The following DACH2 variants were observed in gnomAD, a reference collection of about 807,000 sequenced individuals.
DACH2 encodes the protein dachshund homolog 2.
In DACH2, 17 loss-of-function variants were observed where a neutral mutation model predicts 35.8. That is an observed-to-expected ratio of 0.48 (90% CI 0.33 to 0.71). The LOEUF is 0.71. Ranked by LOEUF, DACH2 falls within the 30% of genes least tolerant of loss-of-function variation. The probability of loss-of-function intolerance (pLI) is 0.02; values close to 1 mark genes in which losing one functional copy is unlikely to be tolerated. For synonymous variants in DACH2, 195 were observed against 177.3 expected (o/e 1.10, Z -0.79); for missense variants, 469 against 472.7 (o/e 0.99, Z 0.07).
intron 1 of DACH2, chrX:86,304,962 A>G (rs2034651737): frequency 7.8e-6 from 1 of 128,472 alleles, no homozygotes; most frequent in African/African-American, 3.2e-5. Context: ...CAGACTGAGA[A>G]TAAAACATTT....
At chrX:86,528,725 A>G (rs913945935) in intron 3 of DACH2, among the ~76,000 whole-genome samples, 1 of 112,418 alleles carries the variant, frequency 8.9e-6, no homozygotes, top group Non-Finnish European at 1.9e-5. Context: ...TTATTTTCAC[A>G]GTGTAACCAC....
intron 1 of DACH2, among the ~76,000 whole-genome samples, chrX:86,340,869 C>T (rs910058314): frequency 1.8e-5 from 2 of 112,004 alleles, no homozygotes; most frequent in African/African-American, 3.2e-5. Context: ...AAGCCAAAGC[C>T]TAATCCAGAG....
intron 1 of DACH2, among the ~76,000 whole-genome samples, chrX:86,330,224 T>C (rs986404470): frequency 1.8e-5 from 2 of 111,387 alleles, no homozygotes; most frequent in East Asian, 5.6e-4. Flanking sequence ...CATCAAAATC[T>C]TATTTTTTCC....
Position 86,148,730 on chromosome X carries a change from G to A in DACH2, c.110G>A (p.Arg37His). The change falls in exon 1 of 12, where the codon CGT becomes CAT. Residue 37 changes from arginine to histidine, a missense_variant. This residue lies in a region of DACH2 where 99 missense variants were observed against 114.3 expected (regional missense o/e 0.87). Coordinates refer to ENST00000373125, the MANE Select transcript of DACH2 (RefSeq NM_053281.3). ...PLYSTPREPP[R>H]LTPNMINSFV... ...TACTCGACTCCCAGAGAGCCCCCTC[G>A]TCTTACTCCTAATATGATCAATAGT... 8.3e-7 allele frequency: 1 copy of A among 1,210,990 alleles called. No homozygotes were observed. The highest frequency in any genetic ancestry group is 1.8e-5 in the South Asian group (1 of 56,873).
chrX:86,717,020 C>G (rs1280775085), intron 6 of DACH2, among the ~76,000 whole-genome samples: 1 of 111,883 alleles, frequency 8.9e-6, no homozygotes, highest in Non-Finnish European at 1.9e-5. Context: ...AGAAATGGAT[C>G]TACTTTCATG....
chrX:86,241,234 T>C (rs1227751194), intron 1 of DACH2, among the ~76,000 whole-genome samples: 2 of 111,828 alleles, frequency 1.8e-5, no homozygotes, highest in Non-Finnish European at 3.8e-5. Flanking sequence ...AAAATACTGA[T>C]AGTGATATGG....
chrX:86,752,239 C>A (rs181023419), intron 7 of DACH2, among the ~76,000 whole-genome samples: 1 of 111,386 alleles, frequency 9.0e-6, no homozygotes, highest in East Asian at 2.8e-4. Flanking sequence ...CTACGAATTT[C>A]TAATTTCTCA....
intron 2 of DACH2, among the ~76,000 whole-genome samples, chrX:86,417,971 G>T (rs1479780342): frequency 9.0e-6 from 1 of 111,433 alleles, no homozygotes; most frequent in Non-Finnish European, 1.9e-5. Flanking sequence ...CCAAATGGGA[G>T]AAATTGGCCA....
At chrX:86,279,488 A>G (rs1371024376) in intron 1 of DACH2, among the ~76,000 whole-genome samples, 1 of 111,649 alleles carries the variant, frequency 9.0e-6, no homozygotes, top group Non-Finnish European at 1.9e-5. Flanking sequence ...TAGCATTAAC[A>G]TCGACGCAAA....
intron 1 of DACH2, among the ~76,000 whole-genome samples, chrX:86,329,930 G>C (rs956932102): frequency 2.7e-5 from 3 of 111,520 alleles, no homozygotes; most frequent in Non-Finnish European, 5.7e-5. Flanking sequence ...AGTTTTATTT[G>C]GGGCTAGTGT....
Position 86,267,294 on chromosome X carries a change from G to T in DACH2, c.489-109530G>T, listed in dbSNP as rs757499427. 2.7e-5 allele frequency among the ~76,000 whole-genome samples: 3 copies of T among 111,969 alleles called. No individual in the cohort carries two copies. The Admixed American group carries it at 2.9e-4, about 11-fold the overall frequency. On this transcript the variant is annotated intron_variant, in intron 1 of 11. Transcript: ENST00000373125. Reference sequence around the variant, plus strand: ...CTATATTGAGACAAATGTTCATATAGAAATCTGTGAATATAACAATCTATA... The same window carrying T: ...CTATATTGAGACAAATGTTCATATATAAATCTGTGAATATAACAATCTATA...
intron 3 of DACH2, among the ~76,000 whole-genome samples, chrX:86,597,207 G>C (rs1224784745): frequency 8.9e-6 from 1 of 111,955 alleles, no homozygotes; most frequent in African/African-American, 3.2e-5. Context: ...CATTGAGTCT[G>C]TTAATTGCTG....
chrX:86,711,072 T>C (rs2148457652), intron 5 of DACH2, among the ~76,000 whole-genome samples: 1 of 112,301 alleles, frequency 8.9e-6, no homozygotes, highest in East Asian at 2.8e-4. Flanking sequence ...AATACCAAGA[T>C]GCATTAGAAA....
At chrX:86,286,090 G>C (rs1451721239) in intron 1 of DACH2, among the ~76,000 whole-genome samples, 1 of 83,357 alleles carries the variant, frequency 1.2e-5, no homozygotes, top group Non-Finnish European at 2.5e-5. Context: ...AATGGTTCTT[G>C]TTCTTCCATC....
At chrX:86,490,228 G>A (rs1033884647) in intron 2 of DACH2, among the ~76,000 whole-genome samples, 1 of 111,948 alleles carries the variant, frequency 8.9e-6, no homozygotes, top group Non-Finnish European at 1.9e-5. Context: ...TTCCTAATCA[G>A]AAGAAATAGC....
chrX:86,563,060 T>C (rs191792715), intron 3 of DACH2, among the ~76,000 whole-genome samples: 1 of 110,938 alleles, frequency 9.0e-6, no homozygotes, highest in African/African-American at 3.3e-5. Context: ...TAGATTGGTC[T>C]AGGTTTCTTA....
chrX:86,433,728 A>T (rs1026559605), intron 2 of DACH2, among the ~76,000 whole-genome samples: 2 of 111,833 alleles, frequency 1.8e-5, no homozygotes, highest in East Asian at 5.6e-4. Context: ...TTCTGTAGCT[A>T]GGTAGTTACA....
At chrX:86,536,213 A>G (rs2038798014) in intron 3 of DACH2, among the ~76,000 whole-genome samples, 1 of 111,507 alleles carries the variant, frequency 9.0e-6, no homozygotes, top group African/African-American at 3.3e-5. Flanking sequence ...TATATCTTCA[A>G]TATTATTCAT....
chrX:86,215,340 A>G (rs896009199), intron 1 of DACH2, among the ~76,000 whole-genome samples: 1 of 111,733 alleles, frequency 8.9e-6, no homozygotes, highest in Middle Eastern at 4.6e-3. Flanking sequence ...TAAGTGAAAC[A>G]AAAATAGTAA....
Sources: allele counts gnomAD v4.1 joint callset (sites outside exome capture counted in the v4.1 genomes callset), GRCh38; gene constraint gnomAD v4.1.1; regional missense constraint gnomAD v4.1.1; transcripts MANE v1.5; gene names NCBI Gene and HGNC (gene_info 2026-07-23, HGNC 2026-07-21).